The following PXDNL variants were observed in gnomAD, a reference collection of about 807,000 sequenced individuals.
The protein encoded by PXDNL is peroxidasin like, also known as probable oxidoreductase PXDNL.
Under a neutral mutation model 150.8 loss-of-function variants are expected in PXDNL, and 145 were observed. The observed-to-expected ratio is 0.96, with a 90% CI of 0.84 to 1.10. The LOEUF is 1.10. Ranked by LOEUF, PXDNL falls within the 50% of genes least tolerant of loss-of-function variation. PXDNL has a pLI of 0.00. For missense variants in PXDNL, 2,087 were observed against 1,873.9 expected (o/e 1.11, Z -2.10); for synonymous variants, 757 against 725.7 (o/e 1.04, Z -0.69).
intron 3 of PXDNL, among the ~76,000 whole-genome samples, chr8:51,578,720 A>C (rs1473330592): frequency 6.6e-6 from 1 of 152,058 alleles, no homozygotes; most frequent in Non-Finnish European, 1.5e-5. Context: ...AGGATGTATT[A>C]TTTAGCTATA....
chr8:51,378,783 G>A (rs1450075253), intron 17 of PXDNL, among the ~76,000 whole-genome samples: 4 of 149,386 alleles, frequency 2.7e-5, no homozygotes, highest in Admixed American at 2.0e-4. Context: ...CACTCACTGC[G>A]AAGGTCTGCA....
chr8:51,758,375 T>C (rs972526013), intron 1 of PXDNL, among the ~76,000 whole-genome samples: 2 of 152,190 alleles, frequency 1.3e-5, no homozygotes, highest in African/African-American at 4.8e-5. Flanking sequence ...ATTTGGTTCA[T>C]AAAGAAATGC....
chr8:51,749,523 A>G (rs2037020248), intron 1 of PXDNL, among the ~76,000 whole-genome samples: 1 of 152,158 alleles, frequency 6.6e-6, no homozygotes, highest in Non-Finnish European at 1.5e-5. Context: ...ATACAGCATA[A>G]AAGATTAAAA....
chr8:51,594,365 C>G (rs1813518285), intron 2 of PXDNL, among the ~76,000 whole-genome samples: 1 of 152,156 alleles, frequency 6.6e-6, no homozygotes, highest in Non-Finnish European at 1.5e-5. Context: ...GAAATTGACT[C>G]ATTTCATACA....
intron 1 of PXDNL, among the ~76,000 whole-genome samples, chr8:51,766,828 C>T (rs1287307856): frequency 1.3e-5 from 2 of 151,826 alleles, no homozygotes; most frequent in African/African-American, 4.8e-5. Context: ...GTTCATTGAA[C>T]TTGTTTGATG....
intron 19 of PXDNL, among the ~76,000 whole-genome samples, chr8:51,352,000 A>C (rs1450777815): frequency 6.6e-6 from 1 of 152,074 alleles, no homozygotes; most frequent in Non-Finnish European, 1.5e-5. Flanking sequence ...TATTCTGCTG[A>C]TTAGAAGCAG....
At chr8:51,701,577 A>C (rs1816258387) in intron 1 of PXDNL, among the ~76,000 whole-genome samples, 1 of 152,202 alleles carries the variant, frequency 6.6e-6, no homozygotes, top group Non-Finnish European at 1.5e-5. Context: ...TAGCTAATTA[A>C]AGCAATTAGC....
At chr8:51,394,802 C>T (rs1808029594) in intron 17 of PXDNL, among the ~76,000 whole-genome samples, 1 of 152,132 alleles carries the variant, frequency 6.6e-6, no homozygotes, top group Non-Finnish European at 1.5e-5. Flanking sequence ...GGGTACATAG[C>T]GCTGGTCCTG....
At chr8:51,694,304 A>C (rs1012946137) in intron 1 of PXDNL, among the ~76,000 whole-genome samples, 4 of 152,192 alleles carry the variant, frequency 2.6e-5, no homozygotes, top group African/African-American at 7.2e-5. Context: ...CGGAGGTTGC[A>C]CTGAGCCAAG....
intron 1 of PXDNL, among the ~76,000 whole-genome samples, chr8:51,744,061 G>A (rs142105869): frequency 0.04 from 1,934 of 47,854 alleles, 94 homozygotes; most frequent in East Asian, 0.056. Context: ...AAGGAAGGAA[G>A]GAAGGAAGGA....
chr8:51,785,142 T>TC (rs2037449047), intron 1 of PXDNL, among the ~76,000 whole-genome samples: 1 of 152,160 alleles, frequency 6.6e-6, no homozygotes, highest in Admixed American at 6.5e-5. Flanking sequence ...ATGCACTTGA[T>TC]CGTGGTCCTT....
In PXDNL at chr8:51,548,221, T is replaced by C. The variant is rs1246391143; in HGVS notation, c.380+8619A>G. 3.3e-5 allele frequency among the ~76,000 whole-genome samples: 5 copies of C among 152,108 alleles called. No individual in the cohort carries two copies. The South Asian group carries it at 8.3e-4, about 25-fold the overall frequency. ...GTTAAACAACCAAACATTAGAATAA[T>C]TGGTGTTCCTGAAGAAGAGAAATCT... On this transcript the variant is annotated intron_variant, in intron 4 of 22. Coordinates refer to ENST00000356297, the MANE Select transcript of PXDNL (RefSeq NM_144651.5).
At chr8:51,430,852 T>C (rs1809230410) in intron 12 of PXDNL, among the ~76,000 whole-genome samples, 1 of 152,234 alleles carries the variant, frequency 6.6e-6, no homozygotes, top group Non-Finnish European at 1.5e-5. Context: ...AATAGAGTGA[T>C]TCTATGTCCT....
intron 1 of PXDNL, among the ~76,000 whole-genome samples, chr8:51,734,475 G>A (rs998962187): frequency 1.3e-5 from 2 of 152,190 alleles, no homozygotes; most frequent in Admixed American, 6.5e-5. Context: ...AAGTTGACGA[G>A]TGAATAATCT....
chr8:51,594,979 T>G (rs938710575), intron 2 of PXDNL, among the ~76,000 whole-genome samples: 2 of 152,048 alleles, frequency 1.3e-5, no homozygotes, highest in African/African-American at 4.8e-5. Flanking sequence ...ATCCTCATGA[T>G]GCCCATGATG....
At chr8:51,802,838 C>T (rs4321995) in intron 1 of PXDNL, among the ~76,000 whole-genome samples, 148,812 of 152,312 alleles carry the variant, frequency 0.98, 72,794 homozygotes, top group East Asian at 1. Flanking sequence ...ACAAAGAACA[C>T]ACCAGGATGT....
Position 51,434,743 on chromosome 8 carries a change from T to C in PXDNL, c.1526-7985A>G, listed in dbSNP as rs578192482. Among the ~76,000 whole-genome samples, 4 of 152,312 alleles carry C rather than the reference T, an allele frequency of 2.6e-5. No homozygotes were observed. In the East Asian group the frequency reaches 7.7e-4, roughly 29 times the overall value. On this transcript the variant is annotated intron_variant, in intron 12 of 22. Transcript: ENST00000356297. ...TGATATTATTACCCCCAAATTATGA[T>C]AATCATGAGCATTTATTAGATGAGG...
chr8:51,651,043 A>C (rs1007869729), intron 2 of PXDNL, among the ~76,000 whole-genome samples: 1 of 152,256 alleles, frequency 6.6e-6, no homozygotes, highest in Non-Finnish European at 1.5e-5. Flanking sequence ...TAGTAAGGTC[A>C]CTGGATACAA....
intron 1 of PXDNL, among the ~76,000 whole-genome samples, chr8:51,670,259 T>C (rs1815472667): frequency 6.6e-6 from 1 of 151,884 alleles, no homozygotes; most frequent in South Asian, 2.1e-4. Context: ...ACACAAAAGA[T>C]TTCTTGCTTC....
Sources: allele counts gnomAD v4.1 joint callset (sites outside exome capture counted in the v4.1 genomes callset), GRCh38; gene constraint gnomAD v4.1.1; transcripts MANE v1.5; gene names NCBI Gene and HGNC (gene_info 2026-07-23, HGNC 2026-07-21).